The following C12orf42 variants were observed in gnomAD, a reference collection of about 807,000 sequenced individuals.
C12orf42 encodes the protein uncharacterized protein C12orf42.
A neutral mutation model predicts 21.6 loss-of-function variants in C12orf42; 25 were observed. The observed-to-expected ratio is 1.16, with a 90% confidence interval of 0.84 to 1.62. C12orf42 has a LOEUF of 1.62. Ranked by LOEUF, C12orf42 falls within the 40% of genes most tolerant of loss-of-function variation. C12orf42 has a pLI of 0.00. For synonymous variants in C12orf42, 174 were observed against 175.0 expected (o/e 0.99, Z 0.05); for missense variants, 483 against 459.3 (o/e 1.05, Z -0.47).
intron 4 of C12orf42, among the ~76,000 whole-genome samples, chr12:103,362,283 G>C (rs1363958986): frequency 2.6e-5 from 4 of 152,074 alleles, no homozygotes; most frequent in Admixed American, 2.6e-4. Flanking sequence ...CAGCTCTCAG[G>C]AAGCCACATT....
At chr12:103,459,701 G>T (rs1183788847) in intron 2 of C12orf42, among the ~76,000 whole-genome samples, 2 of 152,154 alleles carry the variant, frequency 1.3e-5, no homozygotes, top group South Asian at 2.1e-4. Flanking sequence ...TTCTCCAGTT[G>T]CAGATACAAC....
the C12orf42 span, among the ~76,000 whole-genome samples, chr12:103,523,375 CA>C: frequency 6.6e-6 from 1 of 151,812 alleles, no homozygotes; most frequent in Non-Finnish European, 1.5e-5. Flanking sequence ...AGCTTTTGGC[CA>C]TTATATGTCT....
chr12:103,057,917 T>C, the C12orf42 span, among the ~76,000 whole-genome samples: 1 of 152,082 alleles, frequency 6.6e-6, no homozygotes, highest in African/African-American at 2.4e-5. Context: ...TGGTACCTCA[T>C]TGTAGTTTTG....
At chr12:103,292,982 G>A (rs2036920081) in intron 4 of C12orf42, among the ~76,000 whole-genome samples, 1 of 151,890 alleles carries the variant, frequency 6.6e-6, no homozygotes. Flanking sequence ...CACTCACTCT[G>A]AAAAACACCA....
chr12:103,077,263 C>T, the C12orf42 span, among the ~76,000 whole-genome samples: 1 of 152,014 alleles, frequency 6.6e-6, no homozygotes, highest in East Asian at 1.9e-4. Flanking sequence ...TAGAAAACAT[C>T]CATTAAGCAA....
the C12orf42 span, among the ~76,000 whole-genome samples, chr12:103,509,671 C>T: frequency 6.6e-6 from 1 of 152,096 alleles, no homozygotes; most frequent in African/African-American, 2.4e-5. Flanking sequence ...TTTCAGAGGT[C>T]ACTCCTGCAT....
At chr12:103,179,981 G>A in the C12orf42 span, among the ~76,000 whole-genome samples, 1 of 152,094 alleles carries the variant, frequency 6.6e-6, no homozygotes, top group East Asian at 1.9e-4. Context: ...GAAGGTGAAG[G>A]AGGAGAGGAG....
At chr12:103,112,790 C>G in the C12orf42 span, among the ~76,000 whole-genome samples, 4 of 152,192 alleles carry the variant, frequency 2.6e-5, no homozygotes, top group African/African-American at 9.7e-5. Context: ...AACTTCATGT[C>G]TCCCTGGTAT....
chr12:103,255,155 G>A lies in C12orf42; in HGVS notation c.*1366+8171C>T, dbSNP rs77545361. Among the ~76,000 whole-genome samples the A allele has an allele frequency of 2.7e-4, 41 of 152,148 alleles. 1 individual carries two copies. Among genetic ancestry groups the A allele is most frequent in the Admixed American group, 1.4e-3 (21 of 15,282 alleles). On this transcript the variant is annotated intron_variant and NMD_transcript_variant, in intron 10 of 10. Coordinates refer to the C12orf42 transcript ENST00000547347. ...TGGGAGGCTAAAGAGGAAAAATCAC[G>A]AGGTCAAGAGATTGAGACCATCCTG...
At chr12:103,345,031 G>GAGTT (rs1313684607) in intron 4 of C12orf42, among the ~76,000 whole-genome samples, 2 of 152,204 alleles carry the variant, frequency 1.3e-5, no homozygotes, top group Non-Finnish European at 2.9e-5. Flanking sequence ...GAATTAGGCA[G>GAGTT]AGTTAGGTTT....
chr12:103,486,434 C>CTT (rs531493041), intron 1 of C12orf42, among the ~76,000 whole-genome samples: 3 of 147,258 alleles, frequency 2.0e-5, no homozygotes, highest in Middle Eastern at 3.6e-3. Flanking sequence ...CTAAAATTCT[C>CTT]TTTTTTTTTT....
At chr12:103,537,224 A>G in the C12orf42 span, among the ~76,000 whole-genome samples, 1 of 152,080 alleles carries the variant, frequency 6.6e-6, no homozygotes, top group Admixed American at 6.5e-5. Flanking sequence ...AAGAAATAGA[A>G]TTTTCCAGAA....
intron 4 of C12orf42, among the ~76,000 whole-genome samples, chr12:103,282,073 A>G (rs1391877503): frequency 6.6e-6 from 1 of 152,192 alleles, no homozygotes; most frequent in South Asian, 2.1e-4. Context: ...TTCTTTAGTT[A>G]TGTTTATTAG....
intron 10 of C12orf42, among the ~76,000 whole-genome samples, chr12:103,261,192 C>A (rs1205053601): frequency 6.6e-6 from 1 of 152,008 alleles, no homozygotes; most frequent in African/African-American, 2.4e-5. Context: ...TGTATGGGGC[C>A]AGATGCAGTG....
intron 3 of C12orf42, among the ~76,000 whole-genome samples, chr12:103,384,944 G>C (rs928173179): frequency 6.6e-6 from 1 of 152,128 alleles, no homozygotes; most frequent in Non-Finnish European, 1.5e-5. Flanking sequence ...GCAAATCATG[G>C]TCGTCTGTAG....
chr12:103,477,697 C>T (rs902324429), intron 2 of C12orf42, among the ~76,000 whole-genome samples: 4 of 152,096 alleles, frequency 2.6e-5, no homozygotes, highest in African/African-American at 9.7e-5. Flanking sequence ...GGAATTCAGA[C>T]AGCCTTCAGA....
chr12:103,082,616 G>A, the C12orf42 span, among the ~76,000 whole-genome samples: 1 of 152,284 alleles, frequency 6.6e-6, no homozygotes, highest in South Asian at 2.1e-4. Flanking sequence ...AATGGGTGCA[G>A]CACACCAACA....
At chr12:103,258,520 TTA>T (rs937628889) in intron 10 of C12orf42, among the ~76,000 whole-genome samples, 5 of 151,714 alleles carry the variant, frequency 3.3e-5, no homozygotes, top group East Asian at 1.9e-4. Context: ...GTTTTTTGAT[TTA>T]TATATATATG....
chr12:103,176,334 C>A, the C12orf42 span, among the ~76,000 whole-genome samples: 61 of 152,336 alleles, frequency 4.0e-4, no homozygotes, highest in Non-Finnish European at 8.4e-4. Flanking sequence ...TTACCACTTT[C>A]TATCCCTGTG....
Sources: allele counts gnomAD v4.1 joint callset (sites outside exome capture counted in the v4.1 genomes callset), GRCh38; gene constraint gnomAD v4.1.1; transcripts MANE v1.5; gene names NCBI Gene and HGNC (gene_info 2026-07-23, HGNC 2026-07-21).